The following KCNMA1 variants were observed in gnomAD, a reference collection of about 807,000 sequenced individuals.
The protein encoded by KCNMA1 is potassium calcium-activated channel subfamily M alpha 1.
Under a neutral mutation model 140.0 loss-of-function variants are expected in KCNMA1, and 29 were observed. That is an observed-to-expected ratio of 0.21 (90% CI 0.15 to 0.28). The LOEUF is 0.28. KCNMA1 is among the 10% of genes least tolerant of loss of function. KCNMA1 has a pLI of 1.00. For synonymous variants in KCNMA1, 612 were observed against 611.9 expected (o/e 1.00, Z 0.00); for missense variants, 880 against 1,602.2 (o/e 0.55, Z 7.70).
At chr10:77,032,392 G>A (rs143358298) in intron 15 of KCNMA1, among the ~76,000 whole-genome samples, 7 of 152,244 alleles carry the variant, frequency 4.6e-5, no homozygotes, top group Admixed American at 1.3e-4. Flanking sequence ...TCAGGAAGCA[G>A]GGTGAGGTGA....
At chr10:77,473,532 C>T (rs1256820878) in intron 1 of KCNMA1, among the ~76,000 whole-genome samples, 1 of 152,184 alleles carries the variant, frequency 6.6e-6, no homozygotes, top group Non-Finnish European at 1.5e-5. Flanking sequence ...CTCTCTCTTG[C>T]TTTTCAGTAG....
At chr10:77,518,019 T>C (rs2051228463) in intron 1 of KCNMA1, among the ~76,000 whole-genome samples, 1 of 152,148 alleles carries the variant, frequency 6.6e-6, no homozygotes, top group Admixed American at 6.5e-5. Flanking sequence ...GCCAGCCTCG[T>C]TCCCTCCCCA....
chr10:77,577,141 G>A (rs1360742398), intron 1 of KCNMA1, among the ~76,000 whole-genome samples: 1 of 151,340 alleles, frequency 6.6e-6, no homozygotes, highest in African/African-American at 2.4e-5. Context: ...TCTGCCTCCC[G>A]GGTTCAAGCA....
At chr10:76,929,772 G>A (rs1193293933) in intron 23 of KCNMA1, among the ~76,000 whole-genome samples, 2 of 152,140 alleles carry the variant, frequency 1.3e-5, no homozygotes, top group Non-Finnish European at 2.9e-5. Context: ...AGTTCCCCAG[G>A]TGAGTGCAAT....
In KCNMA1 at chr10:76,891,516, T is replaced by C; in HGVS notation, c.3342+9A>G. 6 of 1,609,538 alleles carry C rather than the reference T, an allele frequency of 3.7e-6. No individual in the cohort carries two copies. The highest frequency in any genetic ancestry group is 5.1e-6 in the Non-Finnish European group (6 of 1,177,506). On this transcript the variant is annotated intron_variant, in intron 26 of 27. Transcript: ENST00000286628. ...GCAAGCTCAGGTGACCTCGGTGCTG[T>C]GGACTCACCCCTAAGTCCGCAAATG... is the stretch of plus-strand genomic sequence containing the variant.
intron 1 of KCNMA1, among the ~76,000 whole-genome samples, chr10:77,443,322 C>G (rs2097451048): frequency 6.6e-6 from 1 of 152,184 alleles, no homozygotes; most frequent in African/African-American, 2.4e-5. Context: ...CTAGCATAGC[C>G]ACCAACCTCC....
At chr10:76,899,568 G>T (rs906632780) in intron 25 of KCNMA1, among the ~76,000 whole-genome samples, 2 of 152,066 alleles carry the variant, frequency 1.3e-5, no homozygotes, top group African/African-American at 4.8e-5. Context: ...GGGCTGCTTT[G>T]GTGCTAACAA....
intron 1 of KCNMA1, among the ~76,000 whole-genome samples, chr10:77,408,459 C>T (rs575212308): frequency 5.3e-5 from 8 of 150,410 alleles, no homozygotes; most frequent in South Asian, 2.1e-4. Flanking sequence ...TGTGTGTGTG[C>T]GTTTGTGTGC....
At chr10:77,528,654 C>G (rs2056669954) in intron 1 of KCNMA1, among the ~76,000 whole-genome samples, 1 of 139,166 alleles carries the variant, frequency 7.2e-6, no homozygotes, top group Non-Finnish European at 1.5e-5. Context: ...AAAGCTCGTA[C>G]ACAAGTGTTC....
intron 3 of KCNMA1, among the ~76,000 whole-genome samples, chr10:77,217,042 C>T (rs777949317): frequency 1.2e-4 from 19 of 152,090 alleles, no homozygotes; most frequent in Non-Finnish European, 2.4e-4. Context: ...TAATCGCTCA[C>T]GCTTTTAATC....
At chr10:77,267,494 T>G (rs557645533) in intron 2 of KCNMA1, among the ~76,000 whole-genome samples, 1 of 152,296 alleles carries the variant, frequency 6.6e-6, no homozygotes, top group South Asian at 2.1e-4. Flanking sequence ...TCTCAGAAAC[T>G]TCTTCTCCAC....
intron 2 of KCNMA1, among the ~76,000 whole-genome samples, chr10:77,295,802 A>AC (rs2154320854): frequency 6.7e-6 from 1 of 149,928 alleles, no homozygotes; most frequent in South Asian, 2.1e-4. Flanking sequence ...AAAAAAAAAA[A>AC]AAAAAAAAAA....
intron 3 of KCNMA1, among the ~76,000 whole-genome samples, chr10:77,185,744 C>T (rs902193060): frequency 6.6e-6 from 1 of 152,014 alleles, no homozygotes; most frequent in South Asian, 2.1e-4. Context: ...GTGTGCTTTC[C>T]TGTGTCAAAC....
intron 2 of KCNMA1, among the ~76,000 whole-genome samples, chr10:77,339,935 A>T (rs897356020): frequency 6.6e-6 from 1 of 152,204 alleles, no homozygotes; most frequent in African/African-American, 2.4e-5. Context: ...AGCCAAGGGA[A>T]TCCTGACATC....
At chr10:77,442,638 AG>A (rs1340583823) in intron 1 of KCNMA1, among the ~76,000 whole-genome samples, 1 of 152,142 alleles carries the variant, frequency 6.6e-6, no homozygotes, top group African/African-American at 2.4e-5. Flanking sequence ...GAGCAGGTAA[AG>A]GTTGTCATCT....
chr10:77,529,870 TC>T (rs2057135758), intron 1 of KCNMA1, among the ~76,000 whole-genome samples: 1 of 152,116 alleles, frequency 6.6e-6, no homozygotes, highest in Non-Finnish European at 1.5e-5. Context: ...GGCCTTGGAT[TC>T]AGTCTCCGCT....
chr10:77,495,542 G>A (rs1567156131), intron 1 of KCNMA1, among the ~76,000 whole-genome samples: 1 of 152,208 alleles, frequency 6.6e-6, no homozygotes, highest in Non-Finnish European at 1.5e-5. Context: ...AATGAGTGCC[G>A]TGATTTCTCT....
intron 1 of KCNMA1, among the ~76,000 whole-genome samples, chr10:77,543,875 G>A (rs1166452397): frequency 6.6e-6 from 1 of 152,080 alleles, no homozygotes; most frequent in Non-Finnish European, 1.5e-5. Flanking sequence ...TTTATAACAT[G>A]GGCTCAAAAG....
intron 5 of KCNMA1, among the ~76,000 whole-genome samples, chr10:77,157,402 C>T (rs1332673642): frequency 6.6e-6 from 1 of 152,148 alleles, no homozygotes; most frequent in Non-Finnish European, 1.5e-5. Flanking sequence ...ATCTACTGTA[C>T]AGAAAAATAT....
Sources: allele counts gnomAD v4.1 joint callset (sites outside exome capture counted in the v4.1 genomes callset), GRCh38; gene constraint gnomAD v4.1.1; transcripts MANE v1.5; gene names NCBI Gene and HGNC (gene_info 2026-07-23, HGNC 2026-07-21).